ZNF516: variants seen among roughly 807,000 people sequenced by gnomAD.
ZNF516 encodes zinc finger protein 516.
ZNF516 carries 19 observed loss-of-function variants against 79.7 expected under a neutral mutation model. That is an observed-to-expected ratio of 0.24 (90% confidence interval 0.17 to 0.35). The LOEUF (loss-of-function observed/expected upper bound fraction) is 0.35. ZNF516 is among the 10% of genes least tolerant of loss of function. The probability of loss-of-function intolerance (pLI) is 1.00; values close to 1 mark genes in which losing one functional copy is unlikely to be tolerated. For synonymous variants in ZNF516, 877 were observed against 739.5 expected, an observed-to-expected ratio of 1.19 and a Z score of -3.02; for missense variants, 1,678 against 1,679.5, an observed-to-expected ratio of 1.00 and a Z score of 0.02.
At chr18:76,489,409 C>T (rs1215768813) in intron 1 of ZNF516, among the ~76,000 whole-genome samples, 1 of 152,036 alleles carries the variant, frequency 6.6e-6, no homozygotes, top group Non-Finnish European at 1.5e-5. Flanking sequence ...TAAACTTAAT[C>T]ACATCAAATG....
intron 2 of ZNF516, among the ~76,000 whole-genome samples, chr18:76,443,627 G>A (rs1911866105): frequency 6.6e-6 from 1 of 152,160 alleles, no homozygotes; most frequent in South Asian, 2.1e-4. Context: ...AAGTTCCTGG[G>A]CTGATGGAAG....
intron 1 of ZNF516, chr18:76,492,998 A>G (rs28708754): frequency 7.1e-5 from 70 of 984,866 alleles, no homozygotes; most frequent in Non-Finnish European, 8.3e-5. Context: ...TCACACACAC[A>G]CCCCAAATTA....
intron 2 of ZNF516, among the ~76,000 whole-genome samples, chr18:76,444,228 A>G (rs1440284995): frequency 6.6e-6 from 1 of 152,158 alleles, no homozygotes; most frequent in Non-Finnish European, 1.5e-5. Flanking sequence ...TCAGCGTCTG[A>G]GTGTTCAAGA....
chr18:76,439,269 G>T (rs183184565), intron 3 of ZNF516, among the ~76,000 whole-genome samples: 58 of 152,320 alleles, frequency 3.8e-4, no homozygotes, highest in Admixed American at 7.8e-4. Context: ...AAAGGCAGCT[G>T]TTGTGAGTGA....
rs530792354 is a variant in ZNF516, at chr18:76,492,253, C to G, written c.-272+2891G>C. On this transcript the variant is annotated intron_variant, in intron 1 of 6. Coordinates refer to ENST00000443185, the MANE Select transcript of ZNF516 (RefSeq NM_014643.4). ...CACGGAGATGCTGCTCGGCTCAGGT[C>G]GGGTCCGTACGCTTCCCGAGGTGCG... The G allele has an allele frequency of 2.1e-5, 21 of 985,350 alleles. No homozygotes were observed. The African/African-American group carries it at 2.8e-4, about 13-fold the overall frequency. The allele number at this position is 985,350 out of a possible 1,614,324, so 61.0% of individuals were successfully genotyped here.
At chr18:76,487,444 T>TA (rs1284468647) in intron 1 of ZNF516, among the ~76,000 whole-genome samples, 5 of 152,226 alleles carry the variant, frequency 3.3e-5, no homozygotes, top group African/African-American at 1.2e-4. Context: ...TATAGCTATT[T>TA]AAGTCATTCC....
intron 3 of ZNF516, among the ~76,000 whole-genome samples, chr18:76,423,863 CACACACGCAGGTGAAAAGGTTCCCCCGAA>C (rs2075548255): frequency 1.4e-5 from 2 of 143,454 alleles, no homozygotes; most frequent in Non-Finnish European, 3.0e-5. Context: ...TCCCCCAAAA[CACACACGCAGGTGAAAAGGTTCCCCCGAA>C]ACACACGCAG....
rs189838423 is a variant in ZNF516, at chr18:76,459,396, G to T, written c.-158+3632C>A. On this transcript the variant is annotated intron_variant, in intron 2 of 6. Transcript: ENST00000443185. The surrounding 1 kb of genome is among the most constrained non-coding windows in gnomAD (Gnocchi z 5.0). ...GCACCCAAGCTCTCTGAGGACAGCC[G>T]TCCTAGCTTCCTTCGTGGGAGAAAA... 2.6e-5 allele frequency among the ~76,000 whole-genome samples: 4 copies of T among 152,196 alleles called. No homozygotes were observed. The highest frequency in any genetic ancestry group is 9.6e-5 in the African/African-American group (4 of 41,456).
intron 2 of ZNF516, among the ~76,000 whole-genome samples, chr18:76,457,586 G>A (rs12959660): frequency 0.023 from 3,447 of 152,216 alleles, 50 homozygotes; most frequent in Middle Eastern, 0.034. Context: ...GCGTGGCAGC[G>A]CATGCCTGTG....
rs529247176 is a variant in ZNF516 at position 76,435,100 on chromosome 18, C to A, written c.1810+6145G>T. Among the ~76,000 whole-genome samples, 4 of 152,310 alleles carry A rather than the reference C, an allele frequency of 2.6e-5. No homozygotes were observed. In the East Asian group the frequency reaches 5.8e-4, roughly 22 times the overall value. On this transcript the variant is annotated intron_variant, in intron 3 of 6. Transcript: ENST00000443185. Reference sequence around the variant, plus strand: ...TAGAATGGATACCTCTTAGTTCCCTCCCACCTCGAAAATTCTATGATCCTA... The same window carrying A: ...TAGAATGGATACCTCTTAGTTCCCTACCACCTCGAAAATTCTATGATCCTA...
chr18:76,440,449 G>T (rs1028108984), intron 3 of ZNF516, among the ~76,000 whole-genome samples: 1 of 152,214 alleles, frequency 6.6e-6, no homozygotes, highest in Non-Finnish European at 1.5e-5. Context: ...GGAGAAACAT[G>T]CAAGTTCTCT....
intron 1 of ZNF516, chr18:76,492,637 T>G: frequency 1.1e-5 from 9 of 841,000 alleles, no homozygotes; most frequent in Non-Finnish European, 1.3e-5. Context: ...CATCATCACC[T>G]GAACCAAAAA....
intron 3 of ZNF516, among the ~76,000 whole-genome samples, chr18:76,424,379 G>A (rs1464897539): frequency 2.7e-5 from 2 of 74,642 alleles, no homozygotes; most frequent in African/African-American, 4.4e-5. Context: ...GCAGGTGAAA[G>A]GGTCCCCCCC....
In ZNF516 at chr18:76,493,094, T is replaced by G. The variant is rs1377894302; in HGVS notation, c.-272+2050A>C. On this transcript the variant is annotated intron_variant, in intron 1 of 6. Coordinates refer to ENST00000443185, the MANE Select transcript of ZNF516 (RefSeq NM_014643.4). The surrounding 1 kb of genome is among the most constrained non-coding windows in gnomAD (Gnocchi z 5.2). Reference sequence around the variant, plus strand: ...GGCAGGGAGACTTCGCAAAGCTGTTTCCTTTTTTTTTTTTCCTCCTCTCCT... The same window carrying G: ...GGCAGGGAGACTTCGCAAAGCTGTTGCCTTTTTTTTTTTTCCTCCTCTCCT... The G allele has an allele frequency of 1.0e-6, 1 of 980,432 alleles. No homozygotes were observed. The highest frequency in any genetic ancestry group is 1.2e-6 in the Non-Finnish European group (1 of 828,866). 60.7% of individuals were successfully genotyped at this position (980,432 alleles called of 1,614,324 possible). A position where few individuals can be genotyped will look rare whatever the true frequency, so the allele number is the denominator to read the frequency against.
chr18:76,441,622 C>T lies in ZNF516; in HGVS notation c.1433G>A (p.Arg478Gln), dbSNP rs2075823971. The change falls in exon 3 of 7, where the codon CGG becomes CAG. Residue 478 changes from arginine to glutamine, a missense_variant. Arg to Gln is a conservative substitution (Grantham distance 43). Transcript: ENST00000443185. ...QDAPAAQGPP[R>Q]KRASGPGDPA... ...GTCCCCAGGCCCGCTCGCGCGCTTC[C>T]GCGGGGGCCCCTGCGCGGCTGGTGC... 3.3e-6 allele frequency: 5 copies of T among 1,510,098 alleles called. No individual in the cohort carries two copies. Among genetic ancestry groups the T allele is most frequent in the African/African-American group, 1.4e-5 (1 of 70,040 alleles). 93.5% of individuals were successfully genotyped at this position (1,510,098 alleles called of 1,614,324 possible).
chr18:76,434,730 C>A (rs1241416101), intron 3 of ZNF516, among the ~76,000 whole-genome samples: 3 of 152,230 alleles, frequency 2.0e-5, no homozygotes, highest in Non-Finnish European at 2.9e-5. Context: ...AGGAAGGGGA[C>A]CCTTTCCCAG....
At position 76,493,214 on chromosome 18, in the gene ZNF516, C is replaced by A; in HGVS notation, c.-272+1930G>T. The A allele has an allele frequency of 1.0e-6, 1 of 968,186 alleles. No individual in the cohort carries two copies. Among genetic ancestry groups the A allele is most frequent in the South Asian group, 4.8e-5 (1 of 20,940 alleles). 60.0% of individuals were successfully genotyped at this position (968,186 alleles called of 1,614,324 possible). A position where few individuals can be genotyped will look rare whatever the true frequency, so the allele number is the denominator to read the frequency against. On this transcript the variant is annotated intron_variant, in intron 1 of 6. Transcript: ENST00000443185. This position sits in a 1 kb window ranked among gnomAD's most constrained non-coding sequence, Gnocchi z 5.2. ...CTTCTTTAAGGAGGGAGGCGTCAGA[C>A]GATATCCATTTAAATATATTTTGTA...
intron 3 of ZNF516, chr18:76,388,510 A>C (rs768360371): frequency 6.6e-6 from 1 of 152,154 alleles, no homozygotes; most frequent in Non-Finnish European, 1.5e-5. Flanking sequence ...ATCCACAAGG[A>C]GGAAGGTCTC....
In ZNF516 at chr18:76,442,986, G is replaced by T; in HGVS notation, c.69C>A (p.Gly23=). 6.2e-7 allele frequency: 1 copy of T among 1,603,744 alleles called. No individual in the cohort carries two copies. Among genetic ancestry groups the T allele is most frequent in the Non-Finnish European group, 8.5e-7 (1 of 1,179,506 alleles). The change falls in exon 3 of 7, where the codon GGC becomes GGA. Residue 23 remains glycine, a synonymous_variant. Transcript: ENST00000443185. ...RGPSPTRAGR[G]HEVDGDKATC... ...TAGCCTTGTCCCCATCCACCTCGTG[G>T]CCCCGGCCGGCCCTGGTGGGGCTGG...
Sources: gnomAD v4.1 joint callset for allele counts (sites outside exome capture counted in the v4.1 genomes callset) on GRCh38, gnomAD v4.1.1 for gene constraint, Gnocchi (gnomAD v3.1) non-coding constraint, MANE v1.5 for transcripts, NCBI Gene and HGNC (gene_info 2026-07-23, HGNC 2026-07-21) for gene names.